FMNL2: variants seen among roughly 807,000 people sequenced by gnomAD.
The protein encoded by FMNL2 is formin-like protein 2.
In FMNL2, 51 loss-of-function variants were observed where a neutral mutation model predicts 130.2. The ratio of observed to expected loss-of-function variants is 0.39; its 90% CI spans 0.31 to 0.49. FMNL2 has a LOEUF of 0.49. Among genes scored for constraint, FMNL2 ranks in the 20% least tolerant of loss-of-function variants. The pLI, the probability that FMNL2 is intolerant of heterozygous loss-of-function variation, is 0.85. For synonymous variants in FMNL2, 465 were observed against 467.1 expected, an observed-to-expected ratio of 1.00 and a Z score of 0.06; for missense variants, 977 against 1,316.2, an observed-to-expected ratio of 0.74 and a Z score of 3.99.
intron 1 of FMNL2, among the ~76,000 whole-genome samples, chr2:152,499,646 C>T (rs1381025050): frequency 2.0e-5 from 3 of 152,212 alleles, no homozygotes; most frequent in South Asian, 2.1e-4. Context: ...AGGACTGAAT[C>T]GGTTCCAAGC....
At chr2:152,420,316 G>A (rs1686842036) in intron 1 of FMNL2, among the ~76,000 whole-genome samples, 2 of 152,182 alleles carry the variant, frequency 1.3e-5, no homozygotes, top group African/African-American at 4.8e-5. Flanking sequence ...GTAGAACTGA[G>A]TTAAAAAGTG....
chr2:152,398,205 T>A (rs1277093290), intron 1 of FMNL2, among the ~76,000 whole-genome samples: 2 of 152,152 alleles, frequency 1.3e-5, no homozygotes, highest in Non-Finnish European at 2.9e-5. Flanking sequence ...CCTTGTTGTA[T>A]CCCCCAGGCT....
intron 13 of FMNL2, among the ~76,000 whole-genome samples, chr2:152,618,459 T>G (rs1458569610): frequency 6.6e-6 from 1 of 152,160 alleles, no homozygotes. Context: ...TGTCTATTGT[T>G]AGCTGATATG....
chr2:152,482,401 A>C (rs552126224), intron 1 of FMNL2, among the ~76,000 whole-genome samples: 11 of 152,264 alleles, frequency 7.2e-5, no homozygotes, highest in Non-Finnish European at 1.5e-4. Context: ...TTTTTCCACT[A>C]GCCAGCAAGA....
At chr2:152,600,173 C>G (rs1697975357) in intron 9 of FMNL2, among the ~76,000 whole-genome samples, 3 of 152,110 alleles carry the variant, frequency 2.0e-5, no homozygotes, top group Admixed American at 2.0e-4. Context: ...CAGGCAGGCC[C>G]CGAGAAGGGT....
chr2:152,383,464 G>A (rs1394894652), intron 1 of FMNL2, among the ~76,000 whole-genome samples: 1 of 151,898 alleles, frequency 6.6e-6, no homozygotes, highest in Non-Finnish European at 1.5e-5. Flanking sequence ...ACCTGGCGTG[G>A]TGGTGCATGT....
chr2:152,556,924 C>T (rs1695239483), intron 4 of FMNL2, among the ~76,000 whole-genome samples: 2 of 151,848 alleles, frequency 1.3e-5, no homozygotes, highest in Admixed American at 1.3e-4. Flanking sequence ...AAGACACCCA[C>T]CACCGAGGGC....
intron 3 of FMNL2, among the ~76,000 whole-genome samples, chr2:152,548,665 G>A (rs1694777992): frequency 6.6e-6 from 1 of 152,108 alleles, no homozygotes. Flanking sequence ...TCATAGCCAC[G>A]GGTATGACTG....
At chr2:152,462,574 A>G (rs980178676) in intron 1 of FMNL2, among the ~76,000 whole-genome samples, 4 of 152,226 alleles carry the variant, frequency 2.6e-5, no homozygotes, top group Non-Finnish European at 4.4e-5. Context: ...TTTCCTTGCT[A>G]TTCATATTAT....
chr2:152,416,078 G>C (rs541128776), intron 1 of FMNL2, among the ~76,000 whole-genome samples: 1 of 152,202 alleles, frequency 6.6e-6, no homozygotes, highest in South Asian at 2.1e-4. Context: ...AGCATGGATG[G>C]AGGAGGGCTT....
chr2:152,616,302 T>TTTA (rs1455450129), intron 12 of FMNL2, among the ~76,000 whole-genome samples: 3 of 151,482 alleles, frequency 2.0e-5, no homozygotes, highest in East Asian at 1.9e-4. Context: ...CCAAATAACT[T>TTTA]TTATTATTAT....
chr2:152,377,717 G>T (rs1041252163), intron 1 of FMNL2, among the ~76,000 whole-genome samples: 1 of 152,182 alleles, frequency 6.6e-6, no homozygotes, highest in African/African-American at 2.4e-5. Context: ...GCATTTGTAT[G>T]AATCTGTCTG....
At chr2:152,619,850 G>A (rs1699157922) in intron 15 of FMNL2, 132 bp downstream of exon 15, 1 of 1,468,572 alleles carries the variant, frequency 6.8e-7, no homozygotes, top group Non-Finnish European at 9.0e-7. Context: ...AGAAATTCCT[G>A]CTGATGTAGC....
intron 1 of FMNL2, among the ~76,000 whole-genome samples, chr2:152,388,883 G>C (rs996739511): frequency 5.3e-5 from 8 of 152,114 alleles, no homozygotes; most frequent in African/African-American, 1.9e-4. Flanking sequence ...TTTGTTTATA[G>C]AACTCATGAC....
chr2:152,520,729 C>T (rs1279914922), intron 1 of FMNL2, among the ~76,000 whole-genome samples: 1 of 151,960 alleles, frequency 6.6e-6, no homozygotes, highest in Non-Finnish European at 1.5e-5. Context: ...AGGGAAAATG[C>T]TTGGTTTAAT....
At chr2:152,376,630 T>C (rs1430210453) in intron 1 of FMNL2, among the ~76,000 whole-genome samples, 1 of 152,092 alleles carries the variant, frequency 6.6e-6, no homozygotes, top group Non-Finnish European at 1.5e-5. Context: ...AGGGTGATGT[T>C]ACTACTGAAA....
intron 1 of FMNL2, among the ~76,000 whole-genome samples, chr2:152,495,746 T>G (rs2105303824): frequency 6.7e-6 from 1 of 150,076 alleles, no homozygotes; most frequent in South Asian, 2.1e-4. Context: ...CTTCCCTACC[T>G]GCCTGCCTGC....
At chr2:152,442,693 A>G (rs1057121762) in intron 1 of FMNL2, among the ~76,000 whole-genome samples, 1 of 152,246 alleles carries the variant, frequency 6.6e-6, no homozygotes, top group Admixed American at 6.5e-5. Context: ...TCTATAATAC[A>G]TAAAAGATAT....
Position 152,380,950 on chromosome 2 carries a change from A to T in FMNL2, c.117+45230A>T, listed in dbSNP as rs529885771. Among the ~76,000 whole-genome samples, 9 of 152,322 alleles carry T rather than the reference A, an allele frequency of 5.9e-5. No individual in the cohort carries two copies. In the East Asian group the frequency reaches 1.7e-3, roughly 29 times the overall value. On this transcript the variant is annotated intron_variant, in intron 1 of 25. Coordinates refer to ENST00000288670, the MANE Select transcript of FMNL2 (RefSeq NM_052905.4). ...GAGCCTTCATTTTCTCATAAGCAAAATGGGAACTTAGTATAACTAAGTAGG... is the reference window on the plus strand; with the variant it reads ...GAGCCTTCATTTTCTCATAAGCAAATTGGGAACTTAGTATAACTAAGTAGG...
Sources: allele counts gnomAD v4.1 joint callset (sites outside exome capture counted in the v4.1 genomes callset), GRCh38; gene constraint gnomAD v4.1.1; transcripts MANE v1.5; gene names NCBI Gene and HGNC (gene_info 2026-07-23, HGNC 2026-07-21).